The following ADGRV1 variants were observed in gnomAD, a reference collection of about 807,000 sequenced individuals.
ADGRV1 encodes adhesion G protein-coupled receptor V1.
ADGRV1 carries 359 observed loss-of-function variants against 596.2 expected under a neutral mutation model. The observed-to-expected ratio is 0.60, with a 90% confidence interval of 0.55 to 0.66. The LOEUF is 0.66. ADGRV1 is among the 30% of genes least tolerant of loss of function. The pLI is 0.00. For missense variants in ADGRV1, 7,274 were observed against 7,575.6 expected, an observed-to-expected ratio of 0.96 and a Z score of 1.48; for synonymous variants, 2,681 against 2,679.2, an observed-to-expected ratio of 1.00 and a Z score of -0.02.
At chr5:90,960,178 A>G (rs1354420448) in intron 83 of ADGRV1, among the ~76,000 whole-genome samples, 1 of 150,460 alleles carries the variant, frequency 6.6e-6, no homozygotes, top group Non-Finnish European at 1.5e-5. Context: ...GTGTATGCCT[A>G]GGGTGGTAGG....
intron 86 of ADGRV1, among the ~76,000 whole-genome samples, chr5:91,094,597 A>G (rs1206229263): frequency 6.6e-6 from 1 of 152,206 alleles, no homozygotes; most frequent in Non-Finnish European, 1.5e-5. Context: ...ACAATGTTCT[A>G]GGAAGGATTG....
rs1581711551 is a variant in ADGRV1 at position 90,985,345 on chromosome 5, CTG to C, written c.17978_17979del (p.Val5993GlufsTer10). The C allele has an allele frequency of 6.2e-7, 1 of 1,602,168 alleles. No individual in the cohort carries two copies. Among genetic ancestry groups the C allele is most frequent in the Non-Finnish European group, 8.5e-7 (1 of 1,173,284 alleles). On this transcript the variant is annotated frameshift_variant and splice_region_variant, in exon 85 of 90. Coordinates refer to ENST00000405460, the MANE Select transcript of ADGRV1 (RefSeq NM_032119.4). LOFTEE classifies it high-confidence loss of function. ...ATTTTATGTTGTTTTCTTCCTTAGT[CTG>C]TGAATTTCTGGTACGTGCTGGTGAT...
At chr5:90,652,315 A>G in intron 18 of ADGRV1, 31 bp from the exon 19 acceptor site, 4 of 1,445,816 alleles carry the variant, frequency 2.8e-6, no homozygotes, top group Non-Finnish European at 3.8e-6. Flanking sequence ...AAGATTCACT[A>G]CTTATAAATT....
At chr5:90,878,438 A>G (rs1480127353) in intron 83 of ADGRV1, among the ~76,000 whole-genome samples, 1 of 152,182 alleles carries the variant, frequency 6.6e-6, no homozygotes, top group African/African-American at 2.4e-5. Flanking sequence ...CTTAAATTTA[A>G]CATGGAATTC....
At chr5:91,042,634 C>T (rs1389309739) in intron 85 of ADGRV1, among the ~76,000 whole-genome samples, 1 of 152,060 alleles carries the variant, frequency 6.6e-6, no homozygotes, top group Non-Finnish European at 1.5e-5. Flanking sequence ...TTGCTGCACC[C>T]ATCAAATTAA....
chr5:90,745,672 A>G lies in ADGRV1; in HGVS notation c.10851A>G (p.Lys3617=). The G allele has an allele frequency of 6.2e-7, 1 of 1,612,734 alleles. No homozygotes were observed. The highest frequency in any genetic ancestry group is 8.5e-7 in the Non-Finnish European group (1 of 1,178,972). The change falls in exon 52 of 90, where the codon AAA becomes AAG. Residue 3617 remains lysine (K), a synonymous_variant. Transcript: ENST00000405460. ...VNILDDTVPE[K]EESFKVQLKN... ...TCCTTGATGATACAGTTCCAGAAAA[A>G]GAAGAATCCTTCAAAGTTCAACTTA...
At chr5:90,761,312 G>A (rs563841965) in intron 58 of ADGRV1, among the ~76,000 whole-genome samples, 1 of 152,256 alleles carries the variant, frequency 6.6e-6, no homozygotes, top group South Asian at 2.1e-4. Context: ...AAAAAAATGG[G>A]CAGCTGTGTT....
At chr5:91,153,489 C>A in intron 89 of ADGRV1, 91 bp downstream of exon 89, 1 of 886,354 alleles carries the variant, frequency 1.1e-6, no homozygotes, top group Non-Finnish European at 1.7e-6. Flanking sequence ...AAAGTACTAT[C>A]AGTCACCCTT....
intron 50 of ADGRV1, 104 bp downstream of exon 50, chr5:90,729,868 G>A: frequency 1.7e-6 from 2 of 1,197,474 alleles, no homozygotes; most frequent in Non-Finnish European, 2.3e-6. Flanking sequence ...CAGACACTGG[G>A]TATTTTTTTT....
In ADGRV1 at chr5:90,720,625, AT is replaced by A. The variant is rs34879289; in HGVS notation, c.9624-304del. Among the ~76,000 whole-genome samples the A allele has an allele frequency of 0.064, 9,701 of 152,188 alleles. 418 individuals are homozygous for A. Among genetic ancestry groups the A allele is most frequent in the Non-Finnish European group, 0.088 (6,014 of 67,974 alleles). On this transcript the variant is annotated intron_variant, in intron 44 of 89. Transcript: ENST00000405460. ...TTCTTCTAGAGGCTGACAAATATTT[AT>A]TTTTTATATCATAAAAATATTTTAA...
chr5:90,795,952 C>G (rs995261565), intron 70 of ADGRV1, among the ~76,000 whole-genome samples: 1 of 152,106 alleles, frequency 6.6e-6, no homozygotes, highest in Non-Finnish European at 1.5e-5. Context: ...AGCACATCCA[C>G]TCAGAGACCT....
chr5:90,652,675 T>G lies in ADGRV1; in HGVS notation c.3634+112T>G, dbSNP rs905481324. The stretch of plus-strand genomic sequence containing the variant: ...TACAAAATGCAATTGGTGAAGTATT[T>G]GTGTCATGACTATCTGATTTTAAAT... On this transcript the variant is annotated intron_variant, in intron 19 of 89. Coordinates refer to ENST00000405460, the MANE Select transcript of ADGRV1 (RefSeq NM_032119.4). 4.6e-6 allele frequency: 3 copies of G among 650,366 alleles called. No individual in the cohort carries two copies. In the African/African-American group the frequency reaches 5.5e-5, roughly 12 times the overall value. The allele number at this position is 650,366 out of a possible 1,614,324, so 40.3% of individuals were successfully genotyped here.
At chr5:91,089,884 G>C (rs1368939825) in intron 86 of ADGRV1, among the ~76,000 whole-genome samples, 2 of 152,164 alleles carry the variant, frequency 1.3e-5, no homozygotes, top group Non-Finnish European at 1.5e-5. Context: ...AAGTGTGTTG[G>C]AAAATTGCTG....
chr5:90,703,118 T>C (rs968950314), intron 34 of ADGRV1, among the ~76,000 whole-genome samples: 1 of 152,092 alleles, frequency 6.6e-6, no homozygotes. Flanking sequence ...AAGTTACAGA[T>C]GTTGATGTAC....
At chr5:91,000,540 T>C (rs537788216) in intron 85 of ADGRV1, among the ~76,000 whole-genome samples, 1 of 152,156 alleles carries the variant, frequency 6.6e-6, no homozygotes, top group Non-Finnish European at 1.5e-5. Context: ...CAAGAGCTAG[T>C]TAGTCTTAAT....
At chr5:90,927,716 C>T (rs1774660772) in intron 83 of ADGRV1, among the ~76,000 whole-genome samples, 2 of 151,954 alleles carry the variant, frequency 1.3e-5, no homozygotes, top group African/African-American at 4.8e-5. Flanking sequence ...GATGCAGTTT[C>T]TTCCTAGTCT....
At chr5:90,630,208 A>G (rs1176546323) in intron 9 of ADGRV1, 1 of 152,132 alleles carries the variant, frequency 6.6e-6, no homozygotes, top group Non-Finnish European at 1.5e-5. Context: ...ATTTTTGGCC[A>G]GGCTGGTCTT....
chr5:90,568,310 C>T (rs1755921243), intron 1 of ADGRV1, among the ~76,000 whole-genome samples: 3 of 151,818 alleles, frequency 2.0e-5, no homozygotes, highest in Admixed American at 2.0e-4. Context: ...TTGGTATGCT[C>T]TGATTTTATT....
intron 81 of ADGRV1, among the ~76,000 whole-genome samples, 187 bp from the exon 82 acceptor site, chr5:90,855,554 C>T (rs571686923): frequency 2.6e-4 from 40 of 152,270 alleles, no homozygotes; most frequent in African/African-American, 8.9e-4. Flanking sequence ...CTTAAGACAT[C>T]CTGTGGAATC....
Sources: allele counts gnomAD v4.1 joint callset (sites outside exome capture counted in the v4.1 genomes callset), GRCh38; gene constraint gnomAD v4.1.1; transcripts MANE v1.5; gene names NCBI Gene and HGNC (gene_info 2026-07-23, HGNC 2026-07-21).